FHIT: variants seen among roughly 807,000 people sequenced by gnomAD.
The protein encoded by FHIT is fragile histidine triad diadenosine triphosphatase.
FHIT carries 19 observed loss-of-function variants against 17.9 expected under a neutral mutation model. The observed-to-expected ratio is 1.06, with a 90% CI of 0.74 to 1.56. The LOEUF (loss-of-function observed/expected upper bound fraction) is 1.56, where lower values mean the gene tolerates loss of function less well. Among genes scored for constraint, FHIT ranks in the 40% most tolerant of loss-of-function variants. The pLI, the probability that FHIT is intolerant of heterozygous loss-of-function variation, is 0.00. For synonymous variants in FHIT, 81 were observed against 69.7 expected (o/e 1.16, Z -0.81); for missense variants, 248 against 189.2 (o/e 1.31, Z -1.82).
chr3:60,664,973 C>G (rs1249733208), intron 4 of FHIT, among the ~76,000 whole-genome samples: 1 of 151,654 alleles, frequency 6.6e-6, no homozygotes, highest in African/African-American at 2.4e-5. Context: ...ATTCTTTTAT[C>G]CTTATTATTT....
chr3:60,593,468 A>G (rs2038158274), intron 4 of FHIT, among the ~76,000 whole-genome samples: 1 of 152,132 alleles, frequency 6.6e-6, no homozygotes, highest in African/African-American at 2.4e-5. Flanking sequence ...AGTGTTGAAA[A>G]ACATTCACAG....
At chr3:60,419,654 C>A (rs929117900) in intron 5 of FHIT, among the ~76,000 whole-genome samples, 4 of 152,062 alleles carry the variant, frequency 2.6e-5, no homozygotes, top group African/African-American at 9.7e-5. Flanking sequence ...CTCCAGTATT[C>A]TTTTTGCTAA....
intron 8 of FHIT, among the ~76,000 whole-genome samples, chr3:59,838,378 C>T (rs1701413169): frequency 6.6e-6 from 1 of 152,192 alleles, no homozygotes; most frequent in Admixed American, 6.5e-5. Context: ...CAAACTAATT[C>T]AAACCTGTTT....
chr3:60,944,525 T>C (rs1480724510), intron 3 of FHIT, among the ~76,000 whole-genome samples: 8 of 152,248 alleles, frequency 5.3e-5, no homozygotes, highest in Non-Finnish European at 8.8e-5. Flanking sequence ...AATGGAAAGA[T>C]AGTGTCATGG....
At chr3:60,162,981 C>A (rs1305697501) in intron 5 of FHIT, among the ~76,000 whole-genome samples, 2 of 152,170 alleles carry the variant, frequency 1.3e-5, no homozygotes, top group African/African-American at 2.4e-5. Flanking sequence ...CTGTTTGAGG[C>A]AAGACCCAGA....
chr3:60,790,635 A>C (rs1700743509), intron 4 of FHIT, among the ~76,000 whole-genome samples: 1 of 148,396 alleles, frequency 6.7e-6, no homozygotes, highest in African/African-American at 2.6e-5. Flanking sequence ...CTGAACATTA[A>C]TGTACCTTAA....
At position 60,993,397 on chromosome 3, in the gene FHIT, T is replaced by C. The variant is rs147780531; in HGVS notation, c.-111+48650A>G. Among the ~76,000 whole-genome samples, 586 of 152,340 alleles carry C rather than the reference T, an allele frequency of 3.8e-3. 6 individuals carry two copies. The highest frequency in any genetic ancestry group is 0.014 in the African/African-American group (570 of 41,578). ...GCTTGAGCACCTTTATTGCACACTTTACTGCATTGTTCTTCAGTTGCTTCT... is the reference window on the plus strand; with the variant it reads ...GCTTGAGCACCTTTATTGCACACTTCACTGCATTGTTCTTCAGTTGCTTCT... On this transcript the variant is annotated intron_variant, in intron 3 of 9. Transcript: ENST00000492590.
chr3:60,546,154 G>C (rs1056563726), intron 4 of FHIT, among the ~76,000 whole-genome samples: 2 of 151,790 alleles, frequency 1.3e-5, no homozygotes, highest in African/African-American at 4.8e-5. Context: ...TAAAGAATCT[G>C]CTGGATAAGT....
Position 60,785,934 on chromosome 3 carries a change from C to CACACACAG in FHIT, c.-18+35984_-18+35985insCTGTGTGT, listed in dbSNP as rs139392863. On this transcript the variant is annotated intron_variant, in intron 4 of 9. Transcript: ENST00000492590. ...ACACACACACACACACACACACACA[C>CACACACAG]AGAGAGAGTACTTTTCAAGATTAGT... Among the ~76,000 whole-genome samples, 741 of 137,922 alleles carry CACACACAG rather than the reference C, an allele frequency of 5.4e-3. 8 individuals are homozygous for CACACACAG. The highest frequency in any genetic ancestry group is 0.022 in the Admixed American group (299 of 13,746). The allele number at this position is 137,922 out of a possible 152,430, so 90.5% of individuals were successfully genotyped here.
In FHIT at chr3:61,096,369, G is replaced by T. The variant is rs1340630380; in HGVS notation, c.-163-54270C>A. ...ACCCTCACAGAGGGAGAGTGCTAAG[G>T]TCAGTGGTCCTAAGGACCAATTTTG... On this transcript the variant is annotated intron_variant, in intron 2 of 9. Coordinates refer to ENST00000492590, the MANE Select transcript of FHIT (RefSeq NM_002012.4). Among the ~76,000 whole-genome samples the T allele has an allele frequency of 2.0e-5, 3 of 152,338 alleles. No individual in the cohort carries two copies. In the South Asian group the frequency reaches 6.2e-4, roughly 32 times the overall value.
intron 1 of FHIT, among the ~76,000 whole-genome samples, chr3:61,207,486 T>G (rs1226779189): frequency 6.6e-6 from 1 of 152,188 alleles, no homozygotes; most frequent in Non-Finnish European, 1.5e-5. Context: ...ACTTATTGCC[T>G]CAATTTCAGA....
intron 5 of FHIT, among the ~76,000 whole-genome samples, chr3:60,265,736 A>T (rs1706540942): frequency 6.6e-6 from 1 of 151,952 alleles, no homozygotes; most frequent in South Asian, 2.1e-4. Context: ...AATAATAAAT[A>T]GATGATTCAA....
At chr3:60,140,956 T>C (rs1176148480) in intron 5 of FHIT, among the ~76,000 whole-genome samples, 1 of 152,146 alleles carries the variant, frequency 6.6e-6, no homozygotes, top group East Asian at 1.9e-4. Flanking sequence ...TAAATTTCTT[T>C]TTCTTTTTCT....
At chr3:60,761,683 C>T (rs1169169676) in intron 4 of FHIT, among the ~76,000 whole-genome samples, 4 of 143,708 alleles carry the variant, frequency 2.8e-5, no homozygotes, top group Non-Finnish European at 4.5e-5. Flanking sequence ...GTCTCTCTTT[C>T]GGCTTTAAAT....
At chr3:59,919,958 A>C (rs957497300) in intron 8 of FHIT, among the ~76,000 whole-genome samples, 1 of 152,198 alleles carries the variant, frequency 6.6e-6, no homozygotes, top group African/African-American at 2.4e-5. Context: ...CAGCCTGGAG[A>C]AACATTTCCA....
intron 7 of FHIT, among the ~76,000 whole-genome samples, chr3:60,000,686 TAA>T (rs11323557): frequency 1.5e-4 from 22 of 150,128 alleles, no homozygotes; most frequent in African/African-American, 2.0e-4. Flanking sequence ...GCTTAGAAAC[TAA>T]AAAAAAAAAC....
At chr3:59,751,442 C>T (rs893150620) in intron 9 of FHIT, 1 of 200,960 alleles carries the variant, frequency 5.0e-6, no homozygotes, top group Non-Finnish European at 1.0e-5. Flanking sequence ...CAAACATCAC[C>T]CTCAGTCATT....
At chr3:59,752,440 CT>C in intron 8 of FHIT, 119 bp from the exon 9 acceptor site, 1 of 613,474 alleles carries the variant, frequency 1.6e-6, no homozygotes. Context: ...GTAGGTGTAT[CT>C]TTTAATTGTT....
intron 5 of FHIT, among the ~76,000 whole-genome samples, chr3:60,525,058 A>G (rs35776137): frequency 0.19 from 28,778 of 152,088 alleles, 3,001 homozygotes; most frequent in East Asian, 0.31. Flanking sequence ...AATCACTGTG[A>G]TAACTTTGGC....
Sources: allele counts gnomAD v4.1 joint callset (sites outside exome capture counted in the v4.1 genomes callset), GRCh38; gene constraint gnomAD v4.1.1; transcripts MANE v1.5; gene names NCBI Gene and HGNC (gene_info 2026-07-23, HGNC 2026-07-21).